Variants in NR3C2 observed in about 807,000 individuals in gnomAD.
The protein encoded by NR3C2 is mineralocorticoid receptor.
A neutral mutation model predicts 86.4 loss-of-function variants in NR3C2; 15 were observed. The observed-to-expected ratio is 0.17, with a 90% CI of 0.12 to 0.27. The LOEUF (loss-of-function observed/expected upper bound fraction) is 0.27, where lower values mean the gene tolerates loss of function less well. NR3C2 is among the 10% of genes least tolerant of loss of function. The pLI is 1.00. For missense variants in NR3C2, 960 were observed against 1,195.6 expected (o/e 0.80, Z 2.91); for synonymous variants, 458 against 450.5 (o/e 1.02, Z -0.21).
chr4:148,103,007 G>A (rs966270990), intron 8 of NR3C2, among the ~76,000 whole-genome samples: 7 of 151,844 alleles, frequency 4.6e-5, no homozygotes, highest in African/African-American at 1.2e-4. Flanking sequence ...CTCTCCATTC[G>A]TCCCATGGCT....
chr4:148,377,748 T>C (rs1746750440), intron 2 of NR3C2, among the ~76,000 whole-genome samples: 1 of 152,218 alleles, frequency 6.6e-6, no homozygotes, highest in Non-Finnish European at 1.5e-5. Context: ...CAATGTCAGA[T>C]ACTTCTGCAG....
chr4:148,182,909 T>C (rs1735710328), intron 4 of NR3C2, among the ~76,000 whole-genome samples: 1 of 152,216 alleles, frequency 6.6e-6, no homozygotes, highest in Non-Finnish European at 1.5e-5. Flanking sequence ...CATGTTGGTT[T>C]GCTGCACCCA....
intron 2 of NR3C2, among the ~76,000 whole-genome samples, chr4:148,375,651 T>G (rs1341927699): frequency 6.6e-6 from 1 of 152,172 alleles, no homozygotes; most frequent in African/African-American, 2.4e-5. Flanking sequence ...TCGTCTATTT[T>G]AATACGCATA....
intron 2 of NR3C2, among the ~76,000 whole-genome samples, chr4:148,278,650 C>T (rs1741082160): frequency 6.6e-6 from 1 of 152,124 alleles, no homozygotes; most frequent in South Asian, 2.1e-4. Flanking sequence ...TACCACACTC[C>T]AAATCCCTTA....
intron 4 of NR3C2, among the ~76,000 whole-genome samples, chr4:148,156,459 AACAG>A (rs1734392615): frequency 6.6e-6 from 1 of 152,254 alleles, no homozygotes. Flanking sequence ...AAAGGATATG[AACAG>A]ACACTTCTCA....
At chr4:148,373,738 A>G (rs1395104724) in intron 2 of NR3C2, among the ~76,000 whole-genome samples, 1 of 152,018 alleles carries the variant, frequency 6.6e-6, no homozygotes, top group Non-Finnish European at 1.5e-5. Flanking sequence ...GGCCTCCCAC[A>G]AAGTGTTGGG....
intron 6 of NR3C2, among the ~76,000 whole-genome samples, chr4:148,144,079 C>T (rs2149756374): frequency 6.6e-6 from 1 of 151,924 alleles, no homozygotes; most frequent in East Asian, 1.9e-4. Context: ...TCCCTATCTT[C>T]TGCGTGCTCA....
rs144484071 is a variant in NR3C2, at chr4:148,289,601, A to G, written c.1758-29484T>C. Among the ~76,000 whole-genome samples the G allele has an allele frequency of 4.8e-4, 73 of 152,292 alleles. No homozygotes were observed. In the East Asian group the frequency reaches 0.014, roughly 29 times the overall value. ...GGTGTCCTAGTCTGTTTGGGCCACT[A>G]TAACAACATACCTTAGACTGGGTAA... is the stretch of plus-strand genomic sequence containing the variant. On this transcript the variant is annotated intron_variant, in intron 2 of 8. Transcript: ENST00000358102.
intron 3 of NR3C2, among the ~76,000 whole-genome samples, chr4:148,247,117 T>G (rs1739355851): frequency 6.6e-6 from 1 of 152,224 alleles, no homozygotes; most frequent in Non-Finnish European, 1.5e-5. Context: ...ACAGAAAGCC[T>G]ACTCTGGTTT....
intron 2 of NR3C2, among the ~76,000 whole-genome samples, chr4:148,288,730 G>A (rs1741652933): frequency 1.3e-5 from 2 of 152,086 alleles, no homozygotes; most frequent in South Asian, 4.1e-4. Context: ...GCCAAACGCT[G>A]GAATTCAGCC....
chr4:148,317,166 G>T (rs1381954255), intron 2 of NR3C2, among the ~76,000 whole-genome samples: 2 of 152,006 alleles, frequency 1.3e-5, no homozygotes, highest in Non-Finnish European at 1.5e-5. Context: ...GACACTAGAA[G>T]TTCAACCCAT....
intron 8 of NR3C2, among the ~76,000 whole-genome samples, chr4:148,086,262 T>C (rs1397196930): frequency 6.6e-6 from 1 of 152,198 alleles, no homozygotes; most frequent in African/African-American, 2.4e-5. Context: ...CAGCAGCACA[T>C]TAAAAAGCTT....
intron 8 of NR3C2, among the ~76,000 whole-genome samples, chr4:148,095,412 C>T (rs1336221055): frequency 1.3e-5 from 2 of 152,170 alleles, no homozygotes; most frequent in Non-Finnish European, 2.9e-5. Flanking sequence ...ACAACCTTAA[C>T]AAGGTTATGC....
At chr4:148,090,205 G>C (rs1730996213) in intron 8 of NR3C2, among the ~76,000 whole-genome samples, 3 of 152,206 alleles carry the variant, frequency 2.0e-5, no homozygotes, top group Admixed American at 2.0e-4. Flanking sequence ...CAAGGCGTCT[G>C]TGTTCTTTTC....
chr4:148,422,090 G>A (rs1430816680), intron 2 of NR3C2, among the ~76,000 whole-genome samples: 10 of 151,998 alleles, frequency 6.6e-5, no homozygotes, highest in Admixed American at 6.6e-4. Flanking sequence ...TCTACTCTAG[G>A]AATCCATTAA....
At chr4:148,407,594 CA>C (rs1365284886) in intron 2 of NR3C2, among the ~76,000 whole-genome samples, 2 of 151,950 alleles carry the variant, frequency 1.3e-5, no homozygotes, top group South Asian at 2.1e-4. Flanking sequence ...CCAAGTATGC[CA>C]AAAAGCTTTT....
intron 2 of NR3C2, among the ~76,000 whole-genome samples, chr4:148,408,628 T>C (rs1194858281): frequency 6.6e-6 from 1 of 152,190 alleles, no homozygotes; most frequent in Non-Finnish European, 1.5e-5. Context: ...CATTTCTTGA[T>C]GATCAACAGG....
intron 2 of NR3C2, among the ~76,000 whole-genome samples, chr4:148,323,906 C>G (rs1415438641): frequency 3.3e-5 from 5 of 152,152 alleles, no homozygotes; most frequent in Non-Finnish European, 5.9e-5. Flanking sequence ...CTCCTCCCCT[C>G]TATCTCATTT....
intron 2 of NR3C2, among the ~76,000 whole-genome samples, chr4:148,351,014 T>C (rs578241187): frequency 3.9e-5 from 6 of 152,342 alleles, no homozygotes; most frequent in African/African-American, 1.4e-4. Flanking sequence ...CAATAAAATA[T>C]AATGGATTAC....
Sources: gnomAD v4.1 joint callset for allele counts (sites outside exome capture counted in the v4.1 genomes callset) on GRCh38, gnomAD v4.1.1 for gene constraint, MANE v1.5 for transcripts, NCBI Gene and HGNC (gene_info 2026-07-23, HGNC 2026-07-21) for gene names.